The following KCNJ15 variants were observed in gnomAD, a reference collection of about 807,000 sequenced individuals.
The protein encoded by KCNJ15 is ATP-sensitive inward rectifier potassium channel 15.
KCNJ15 carries 14 observed loss-of-function variants against 23.0 expected under a neutral mutation model. The observed-to-expected ratio is 0.61, with a 90% confidence interval of 0.40 to 0.95. The LOEUF is 0.95. KCNJ15 is among the 40% of genes least tolerant of loss of function. The probability of loss-of-function intolerance (pLI) is 0.00; values close to 1 mark genes in which losing one functional copy is unlikely to be tolerated. For missense variants in KCNJ15, 388 were observed against 461.8 expected, an observed-to-expected ratio of 0.84 and a Z score of 1.46; for synonymous variants, 185 against 183.2, an observed-to-expected ratio of 1.01 and a Z score of -0.08.
chr21:38,234,410 G>T (rs1978464001), intron 1 of KCNJ15, among the ~76,000 whole-genome samples: 1 of 152,194 alleles, frequency 6.6e-6, no homozygotes, highest in African/African-American at 2.4e-5. Context: ...ATAGAAAAAT[G>T]ATTACTTACT....
At chr21:38,233,724 G>A (rs1978420362) in intron 1 of KCNJ15, among the ~76,000 whole-genome samples, 2 of 151,906 alleles carry the variant, frequency 1.3e-5, no homozygotes, top group Non-Finnish European at 2.9e-5. Flanking sequence ...TATTATAAGG[G>A]AATAGTATGA....
chr21:38,245,986 G>C (rs1979349151), intron 1 of KCNJ15, among the ~76,000 whole-genome samples: 1 of 152,144 alleles, frequency 6.6e-6, no homozygotes, highest in Non-Finnish European at 1.5e-5. Flanking sequence ...ATTTGACCTT[G>C]GGCAAGTGAC....
intron 1 of KCNJ15, among the ~76,000 whole-genome samples, chr21:38,239,740 C>T (rs1336039199): frequency 6.6e-6 from 1 of 152,198 alleles, no homozygotes; most frequent in African/African-American, 2.4e-5. Flanking sequence ...ACAAGTGCCA[C>T]CACTCCTAGT....
chr21:38,264,744 A>G (rs1429575873), intron 1 of KCNJ15, among the ~76,000 whole-genome samples: 3 of 152,234 alleles, frequency 2.0e-5, no homozygotes, highest in African/African-American at 7.2e-5. Context: ...AAAGTGATAG[A>G]TTGGCTGCTA....
intron 1 of KCNJ15, among the ~76,000 whole-genome samples, chr21:38,249,144 C>T (rs375313378): frequency 2.8e-4 from 43 of 152,180 alleles, no homozygotes; most frequent in African/African-American, 8.7e-4. Context: ...ATTACAGCTT[C>T]GGTTCAATTT....
intron 1 of KCNJ15, 123 bp from the exon 2 acceptor site, chr21:38,296,803 G>C (rs976124640): frequency 6.5e-6 from 1 of 152,712 alleles, no homozygotes; most frequent in African/African-American, 2.4e-5. Context: ...TGTGCACTGT[G>C]CCGATTTCCA....
chr21:38,274,010 A>G (rs1251633776), intron 1 of KCNJ15, among the ~76,000 whole-genome samples: 1 of 152,150 alleles, frequency 6.6e-6, no homozygotes, highest in Admixed American at 6.5e-5. Context: ...GAGCATTTAC[A>G]TTCTGTGGTT....
At chr21:38,277,929 G>A (rs986297278) in intron 1 of KCNJ15, among the ~76,000 whole-genome samples, 1 of 152,112 alleles carries the variant, frequency 6.6e-6, no homozygotes, top group Non-Finnish European at 1.5e-5. Context: ...TCTACCACAT[G>A]CCAGCAACTG....
At chr21:38,295,118 C>G (rs184563319) in intron 1 of KCNJ15, among the ~76,000 whole-genome samples, 16 of 152,280 alleles carry the variant, frequency 1.1e-4, no homozygotes, top group African/African-American at 3.6e-4. Flanking sequence ...GCAATATTTA[C>G]CTGGAGATGA....
intron 1 of KCNJ15, among the ~76,000 whole-genome samples, chr21:38,266,489 A>C (rs1568996206): frequency 6.6e-6 from 1 of 152,146 alleles, no homozygotes; most frequent in Non-Finnish European, 1.5e-5. Context: ...ATGGCTGCAT[A>C]GTATTCCATG....
chr21:38,274,948 T>C lies in KCNJ15; in HGVS notation c.-117+17763T>C, dbSNP rs1192717866. Reference sequence around the variant, plus strand: ...GGTCAACTTTTACCTCTAGGTACAATGATTCTTCAATTTCCACCTCCAGCC... The same window carrying C: ...GGTCAACTTTTACCTCTAGGTACAACGATTCTTCAATTTCCACCTCCAGCC... On this transcript the variant is annotated intron_variant, in intron 1 of 2. Coordinates refer to ENST00000398938, the MANE Select transcript of KCNJ15 (RefSeq NM_170736.3). Among the ~76,000 whole-genome samples the C allele has an allele frequency of 2.0e-5, 3 of 152,182 alleles. No homozygotes were observed. The East Asian group carries it at 5.8e-4, about 29-fold the overall frequency.
At chr21:38,287,344 C>G (rs1984020025) in intron 1 of KCNJ15, among the ~76,000 whole-genome samples, 1 of 152,110 alleles carries the variant, frequency 6.6e-6, no homozygotes, top group African/African-American at 2.4e-5. Context: ...AGAAGGATGG[C>G]TTTACGTTAA....
chr21:38,242,382 G>C (rs1309362151), intron 1 of KCNJ15, among the ~76,000 whole-genome samples: 1 of 152,100 alleles, frequency 6.6e-6, no homozygotes, highest in Non-Finnish European at 1.5e-5. Context: ...TGTGAACCAA[G>C]ATTGCACACG....
intron 1 of KCNJ15, among the ~76,000 whole-genome samples, chr21:38,237,808 G>T (rs928272941): frequency 6.6e-6 from 1 of 152,216 alleles, no homozygotes; most frequent in African/African-American, 2.4e-5. Context: ...GGAAAACCAT[G>T]AGAAGGAAGA....
chr21:38,297,636 C>G (rs142645031), intron 2 of KCNJ15, among the ~76,000 whole-genome samples: 2 of 152,204 alleles, frequency 1.3e-5, no homozygotes, highest in Admixed American at 6.5e-5. Context: ...CTTTCCTCTT[C>G]GTTACACTGA....
At chr21:38,263,797 G>C (rs1274895800) in intron 1 of KCNJ15, among the ~76,000 whole-genome samples, 1 of 152,150 alleles carries the variant, frequency 6.6e-6, no homozygotes. Context: ...TCGGGATTGC[G>C]AAGTGGCTGC....
chr21:38,284,604 T>C (rs1338218633), intron 1 of KCNJ15, among the ~76,000 whole-genome samples: 2 of 152,240 alleles, frequency 1.3e-5, no homozygotes, highest in South Asian at 2.1e-4. Flanking sequence ...GCGTTTAACA[T>C]GATCACTTTC....
intron 1 of KCNJ15, among the ~76,000 whole-genome samples, chr21:38,289,104 C>T (rs559380023): frequency 5.5e-5 from 8 of 145,160 alleles, no homozygotes; most frequent in South Asian, 2.1e-4. Flanking sequence ...GGTTGAGGCA[C>T]GAGAATCATT....
At chr21:38,249,145 G>A (rs115139020) in intron 1 of KCNJ15, among the ~76,000 whole-genome samples, 7 of 152,132 alleles carry the variant, frequency 4.6e-5, no homozygotes, top group South Asian at 2.1e-4. Flanking sequence ...TTACAGCTTC[G>A]GTTCAATTTT....
Sources: allele counts gnomAD v4.1 joint callset (sites outside exome capture counted in the v4.1 genomes callset), GRCh38; gene constraint gnomAD v4.1.1; transcripts MANE v1.5; gene names NCBI Gene and HGNC (gene_info 2026-07-23, HGNC 2026-07-21).